OPRM1: variants seen among roughly 807,000 people sequenced by gnomAD.
OPRM1 encodes mu-type opioid receptor.
In OPRM1, 27 loss-of-function variants were observed where a neutral mutation model predicts 31.8. That is an observed-to-expected ratio of 0.85 (90% confidence interval 0.63 to 1.17). OPRM1 has a LOEUF of 1.17. Ranked by LOEUF, OPRM1 falls within the 50% of genes most tolerant of loss-of-function variation. The pLI is 0.00. For missense variants in OPRM1, 536 were observed against 511.1 expected (o/e 1.05, Z -0.47); for synonymous variants, 196 against 189.9 (o/e 1.03, Z -0.26).
At chr6:154,195,936 T>A (rs769754884) in intron 3 of OPRM1, among the ~76,000 whole-genome samples, 6 of 151,742 alleles carry the variant, frequency 4.0e-5, no homozygotes, top group Non-Finnish European at 5.9e-5. Flanking sequence ...GGATTACAGG[T>A]GTGTGCCACC....
intron 3 of OPRM1, among the ~76,000 whole-genome samples, chr6:154,183,366 A>G (rs1451573283): frequency 1.3e-5 from 2 of 152,220 alleles, no homozygotes; most frequent in Non-Finnish European, 2.9e-5. Context: ...AACATGACCT[A>G]AATAGGTAGA....
intron 3 of OPRM1, chr6:154,223,102 C>A: frequency 8.3e-7 from 1 of 1,202,940 alleles, no homozygotes. Flanking sequence ...TCACCATATC[C>A]CTTGGTGAAC....
At chr6:154,154,395 G>A (rs936425626) in intron 3 of OPRM1, 3 of 152,040 alleles carry the variant, frequency 2.0e-5, no homozygotes, top group African/African-American at 4.8e-5. Context: ...CAAATTTAGT[G>A]GTCCAATGGC....
chr6:154,133,755 T>G (rs1797988111), downstream of OPRM1, among the ~76,000 whole-genome samples: 1 of 152,252 alleles, frequency 6.6e-6, no homozygotes, highest in Non-Finnish European at 1.5e-5. Context: ...TCCATTCTGT[T>G]TTAGATACTG....
Position 154,089,874 on chromosome 6 carries a change from T to G in OPRM1, c.339T>G (p.Ala113=). 2 of 1,614,124 alleles carry G rather than the reference T, an allele frequency of 1.2e-6. No individual in the cohort carries two copies. The highest frequency in any genetic ancestry group is 1.7e-6 in the Non-Finnish European group (2 of 1,179,974). The change falls in exon 2 of 4, where the codon GCT becomes GCG. Residue 113 remains alanine (A), a synonymous_variant. Transcript: ENST00000330432. The part of the protein sequence containing the change: ...TATNIYIFNL[A]LADALATSTL... Reference sequence around the variant, plus strand: ...CCAACATCTACATTTTCAACCTTGCTCTGGCAGATGCCTTAGCCACCAGTA... The same window carrying G: ...CCAACATCTACATTTTCAACCTTGCGCTGGCAGATGCCTTAGCCACCAGTA...
At chr6:154,035,426 A>G (rs1779246946), upstream of OPRM1, among the ~76,000 whole-genome samples, 1 of 152,156 alleles carries the variant, frequency 6.6e-6, no homozygotes, top group Non-Finnish European at 1.5e-5. Flanking sequence ...TTGCATTCTC[A>G]TTAGCTATGC....
At chr6:154,016,944 A>G (rs987695046) in intron 1 of OPRM1, among the ~76,000 whole-genome samples, 2 of 152,356 alleles carry the variant, frequency 1.3e-5, no homozygotes, top group Admixed American at 6.5e-5. Flanking sequence ...TTGTATCCAG[A>G]AATAATGATT....
intron 3 of OPRM1, among the ~76,000 whole-genome samples, chr6:154,243,279 C>G (rs922916868): frequency 6.6e-6 from 1 of 152,146 alleles, no homozygotes. Context: ...GATTTTAAAT[C>G]CAAGATTTTA....
In OPRM1 at chr6:154,127,888, C is replaced by T. The variant is rs1797684228; in HGVS notation, c.*9167C>T. Among the ~76,000 whole-genome samples, 1 of 152,134 alleles carries T rather than the reference C, an allele frequency of 6.6e-6. No individual in the cohort carries two copies. Among genetic ancestry groups the T allele is most frequent in the Admixed American group, 6.5e-5 (1 of 15,278 alleles). ...TTGTTCCCGTCTGCCCCCAGGCTCA[C>T]CCAGTGCTCTGTCTCAGTGGTAAGC... On this transcript the variant is annotated 3_prime_UTR_variant, in exon 4 of 4. Coordinates refer to ENST00000330432, the MANE Select transcript of OPRM1 (RefSeq NM_000914.5).
intron 3 of OPRM1, among the ~76,000 whole-genome samples, chr6:154,092,533 T>C (rs950765558): frequency 2.0e-5 from 3 of 152,206 alleles, no homozygotes; most frequent in Non-Finnish European, 4.4e-5. Context: ...TGAGGACAGA[T>C]GGCTCCGGAG....
chr6:154,081,227 G>A (rs919063607), intron 1 of OPRM1, among the ~76,000 whole-genome samples: 3 of 152,200 alleles, frequency 2.0e-5, no homozygotes, highest in African/African-American at 7.2e-5. Flanking sequence ...CAAAGGGCCT[G>A]GCGCGGTGGC....
chr6:154,015,855 G>C (rs2128377794), intron 1 of OPRM1, among the ~76,000 whole-genome samples: 1 of 152,028 alleles, frequency 6.6e-6, no homozygotes, highest in African/African-American at 2.4e-5. Flanking sequence ...TCTTAACTCT[G>C]AGAGATGGTC....
intron 1 of OPRM1, among the ~76,000 whole-genome samples, chr6:154,056,756 A>G (rs1783389167): frequency 6.6e-6 from 1 of 152,072 alleles, no homozygotes; most frequent in African/African-American, 2.4e-5. Context: ...CCGGGGGAGT[A>G]TTAAATGTTA....
intron 3 of OPRM1, among the ~76,000 whole-genome samples, chr6:154,113,747 G>A (rs985165915): frequency 1.3e-5 from 2 of 152,212 alleles, no homozygotes; most frequent in Non-Finnish European, 1.5e-5. Context: ...GGATGAGGAT[G>A]ATAAATCCAG....
In OPRM1 at chr6:154,091,452, G is replaced by A; in HGVS notation, c.1144G>A (p.Val382Met). ...AGACCACCCCTCCACGGCCAATACA[G>A]TGGATAGAACTAATCATCAGGTACG... ...TRDHPSTANT[V>M]DRTNHQLENL... Residue 382 changes from valine to methionine, a missense_variant, in exon 3 of 4, where the codon GTG becomes ATG. Coordinates refer to ENST00000330432, the MANE Select transcript of OPRM1 (RefSeq NM_000914.5). The A allele has an allele frequency of 6.2e-7, 1 of 1,612,724 alleles. No homozygotes were observed. Among genetic ancestry groups the A allele is most frequent in the Non-Finnish European group, 8.5e-7 (1 of 1,179,988 alleles).
chr6:154,172,334 G>T (rs1225530980), intron 3 of OPRM1, among the ~76,000 whole-genome samples: 1 of 152,196 alleles, frequency 6.6e-6, no homozygotes, highest in Non-Finnish European at 1.5e-5. Context: ...GCAGGGCTGG[G>T]TGTCACCTCA....
chr6:154,152,046 G>A (rs746538367), intron 3 of OPRM1, among the ~76,000 whole-genome samples: 11 of 151,492 alleles, frequency 7.3e-5, no homozygotes, highest in South Asian at 2.1e-4. Context: ...GTATGGTGGC[G>A]CAGGCCTGTA....
intron 1 of OPRM1, among the ~76,000 whole-genome samples, chr6:154,052,393 A>G (rs1189873580): frequency 2.0e-5 from 3 of 152,248 alleles, no homozygotes; most frequent in Admixed American, 6.5e-5. Flanking sequence ...CAATCAGATA[A>G]TCTCTGTCAT....
chr6:154,199,812 G>C, intron 3 of OPRM1: 1 of 1,614,150 alleles, frequency 6.2e-7, no homozygotes. Context: ...AGGGCCTTGT[G>C]GATGCCTGCC....
Sources: gnomAD v4.1 joint callset for allele counts (sites outside exome capture counted in the v4.1 genomes callset) on GRCh38, gnomAD v4.1.1 for gene constraint, MANE v1.5 for transcripts, NCBI Gene and HGNC (gene_info 2026-07-23, HGNC 2026-07-21) for gene names.